Variants in CYP7B1 observed in about 807,000 individuals in gnomAD.
CYP7B1 encodes the protein cytochrome P450 family 7 subfamily B member 1, also known as cytochrome P450 7B1.
Under a neutral mutation model 42.7 loss-of-function variants are expected in CYP7B1, and 29 were observed. The ratio of observed to expected loss-of-function variants is 0.68; its 90% CI spans 0.51 to 0.93. The LOEUF is 0.93. Among genes scored for constraint, CYP7B1 ranks in the 40% least tolerant of loss-of-function variants. The pLI is 0.00. For missense variants in CYP7B1, 655 were observed against 600.5 expected, an observed-to-expected ratio of 1.09 and a Z score of -0.95; for synonymous variants, 235 against 218.2, an observed-to-expected ratio of 1.08 and a Z score of -0.68.
chr8:64,787,102 C>T (rs79358939), intron 1 of CYP7B1, among the ~76,000 whole-genome samples: 22,770 of 152,200 alleles, frequency 0.15, 1,983 homozygotes, highest in East Asian at 0.37. Flanking sequence ...CCTCCTAGGC[C>T]TCTGGGCCTG....
intron 1 of CYP7B1, among the ~76,000 whole-genome samples, chr8:64,709,391 C>T (rs1807047327): frequency 6.6e-6 from 1 of 151,986 alleles, no homozygotes; most frequent in Admixed American, 6.6e-5. Context: ...TTTAATTCTC[C>T]CCACTGCATA....
intron 1 of CYP7B1, among the ~76,000 whole-genome samples, chr8:64,665,930 C>T (rs755305053): frequency 2.0e-5 from 3 of 152,136 alleles, no homozygotes; most frequent in Non-Finnish European, 4.4e-5. Flanking sequence ...TTAGGTCTCA[C>T]AAACACAGAA....
At chr8:64,665,824 C>T (rs1163840072) in intron 1 of CYP7B1, among the ~76,000 whole-genome samples, 1 of 151,994 alleles carries the variant, frequency 6.6e-6, no homozygotes, top group Non-Finnish European at 1.5e-5. Context: ...GATCCTCCTG[C>T]CTTGGCCTCC....
At chr8:64,624,740 C>T (rs2129630438) in intron 1 of CYP7B1, among the ~76,000 whole-genome samples, 1 of 152,074 alleles carries the variant, frequency 6.6e-6, no homozygotes, top group East Asian at 1.9e-4. Flanking sequence ...AAATGCATAA[C>T]TTCTGGTGAG....
chr8:64,745,935 C>T (rs1181926295), intron 1 of CYP7B1, among the ~76,000 whole-genome samples: 2 of 152,118 alleles, frequency 1.3e-5, no homozygotes, highest in African/African-American at 2.4e-5. Flanking sequence ...ACCCTGACAA[C>T]GTCCAGAAAA....
At chr8:64,773,795 GC>G (rs1420126254) in intron 1 of CYP7B1, among the ~76,000 whole-genome samples, 1 of 152,164 alleles carries the variant, frequency 6.6e-6, no homozygotes, top group Non-Finnish European at 1.5e-5. Flanking sequence ...GCATCACATG[GC>G]AAGAAGGCAA....
At chr8:64,588,834 G>A (rs1805000874), downstream of CYP7B1, among the ~76,000 whole-genome samples, 2 of 152,208 alleles carry the variant, frequency 1.3e-5, no homozygotes, top group Non-Finnish European at 2.9e-5. Flanking sequence ...TTGATGAAAG[G>A]AAATGATTTT....
chr8:64,704,141 A>T (rs1806958205), intron 1 of CYP7B1: 1 of 152,086 alleles, frequency 6.6e-6, no homozygotes, highest in Admixed American at 6.6e-5. Context: ...GGAAAGGCAG[A>T]GATAATCCAT....
At chr8:64,666,667 T>C (rs1310884565) in intron 1 of CYP7B1, among the ~76,000 whole-genome samples, 1 of 152,228 alleles carries the variant, frequency 6.6e-6, no homozygotes, top group Non-Finnish European at 1.5e-5. Flanking sequence ...GTAAAGTTTA[T>C]CAGAGCACCA....
chr8:64,628,099 A>T (rs1805635471), intron 1 of CYP7B1, among the ~76,000 whole-genome samples: 1 of 152,216 alleles, frequency 6.6e-6, no homozygotes, highest in Non-Finnish European at 1.5e-5. Flanking sequence ...TGGGGAGCTA[A>T]CAAATACTAT....
At chr8:64,680,822 C>T (rs1359598362) in intron 1 of CYP7B1, among the ~76,000 whole-genome samples, 1 of 152,132 alleles carries the variant, frequency 6.6e-6, no homozygotes, top group African/African-American at 2.4e-5. Context: ...TAAGGTTTTC[C>T]TTAGCATCTT....
rs1308873066 is a variant in CYP7B1 at position 64,686,454 on chromosome 8, T to TG, written c.123-61916dup. On this transcript the variant is annotated intron_variant, in intron 1 of 5. Transcript: ENST00000310193. ...CAGCCGCCCCGTCCGGGAGGGAGGT[T>TG]GGGGGGTCAGCCCCCCGCCCGGCCA... Among the ~76,000 whole-genome samples, 6 of 12,784 alleles carry TG rather than the reference T, an allele frequency of 4.7e-4. 1 individual carries two copies. Among genetic ancestry groups the TG allele is most frequent in the Non-Finnish European group, 1.0e-3 (6 of 5,942 alleles). The allele number at this position is 12,784 out of a possible 152,430, so 8.4% of individuals were successfully genotyped here. A position where few individuals can be genotyped will look rare whatever the true frequency, so the allele number is the denominator to read the frequency against.
chr8:64,684,445 G>A (rs1806588589), intron 1 of CYP7B1, among the ~76,000 whole-genome samples: 3 of 152,192 alleles, frequency 2.0e-5, no homozygotes, highest in Admixed American at 2.0e-4. Flanking sequence ...TACCTAGAAT[G>A]CCTAGTATAT....
intron 1 of CYP7B1, among the ~76,000 whole-genome samples, chr8:64,667,197 T>C (rs1256682433): frequency 2.0e-5 from 3 of 152,244 alleles, no homozygotes; most frequent in African/African-American, 7.2e-5. Context: ...GTCGAAATTA[T>C]GTACTAAGTT....
At chr8:64,615,261 T>C (rs1805420550) in intron 3 of CYP7B1, 29 bp from the exon 4 acceptor site, 7 of 1,583,326 alleles carry the variant, frequency 4.4e-6, no homozygotes, top group Non-Finnish European at 4.3e-6. Context: ...AAAGGAAGAT[T>C]AATAGCGTTT....
At chr8:64,706,936 T>C (rs1220123683) in intron 1 of CYP7B1, among the ~76,000 whole-genome samples, 1 of 151,984 alleles carries the variant, frequency 6.6e-6, no homozygotes, top group Non-Finnish European at 1.5e-5. Flanking sequence ...GGAAACAGGA[T>C]TGCCAAGCAG....
At chr8:64,632,874 T>C (rs1177004279) in intron 1 of CYP7B1, among the ~76,000 whole-genome samples, 4 of 150,498 alleles carry the variant, frequency 2.7e-5, no homozygotes, top group Admixed American at 6.6e-5. Flanking sequence ...TTTAAAAATA[T>C]ACAAATGGAG....
rs566765925 is a variant in CYP7B1 at position 64,590,859 on chromosome 8, A to C, written c.*5783T>G. On this transcript the variant is annotated 3_prime_UTR_variant, in exon 6 of 6. Coordinates refer to ENST00000310193, the MANE Select transcript of CYP7B1 (RefSeq NM_004820.5). The stretch of plus-strand genomic sequence containing the variant: ...AGACATAATCAGTCATCTGTGCTTT[A>C]AAGTTAATTTATTAAATTTTTGTTG... Among the ~76,000 whole-genome samples, 1 of 152,214 alleles carries C rather than the reference A, an allele frequency of 6.6e-6. No individual in the cohort carries two copies. Among genetic ancestry groups the C allele is most frequent in the African/African-American group, 2.4e-5 (1 of 41,590 alleles).
At chr8:64,762,268 AGAAGTTT>A (rs1305984549) in intron 1 of CYP7B1, among the ~76,000 whole-genome samples, 1 of 152,242 alleles carries the variant, frequency 6.6e-6, no homozygotes. Flanking sequence ...GTAAAGCTAC[AGAAGTTT>A]AATACTGAGG....
Sources: allele counts gnomAD v4.1 joint callset (sites outside exome capture counted in the v4.1 genomes callset), GRCh38; gene constraint gnomAD v4.1.1; transcripts MANE v1.5; gene names NCBI Gene and HGNC (gene_info 2026-07-23, HGNC 2026-07-21).